The following TRIM54 variants were observed in gnomAD, a reference collection of about 807,000 sequenced individuals.
TRIM54 encodes tripartite motif-containing protein 54.
Under a neutral mutation model 42.0 loss-of-function variants are expected in TRIM54, and 40 were observed. The ratio of observed to expected loss-of-function variants is 0.95; its 90% confidence interval spans 0.74 to 1.24. The LOEUF is 1.24. TRIM54 is among the 50% of genes most tolerant of loss of function. The pLI is 0.00. For missense variants in TRIM54, 485 were observed against 480.3 expected (o/e 1.01, Z -0.09); for synonymous variants, 199 against 194.9 (o/e 1.02, Z -0.17).
At position 27,294,122 on chromosome 2, in the gene TRIM54, TTTTG is replaced by T. The variant is rs1032429746; in HGVS notation, c.169-4441_169-4438del. On this transcript the variant is annotated intron_variant, in intron 1 of 8. Coordinates refer to ENST00000380075, the MANE Select transcript of TRIM54 (RefSeq NM_187841.3). The stretch of plus-strand genomic sequence containing the variant: ...AATATTAGCTCTAAGGGTTTTTTTG[TTTTG>T]TTTTTTGTTTGTTTTGTTTTTGAGA... Among the ~76,000 whole-genome samples the T allele has an allele frequency of 3.9e-5, 6 of 151,976 alleles. 1 individual carries two copies. The highest frequency in any genetic ancestry group is 1.4e-4 in the African/African-American group (6 of 41,502).
At chr2:27,293,848 C>G (rs1318499453) in intron 1 of TRIM54, among the ~76,000 whole-genome samples, 1 of 151,982 alleles carries the variant, frequency 6.6e-6, no homozygotes, top group East Asian at 1.9e-4. Context: ...ATGGGGAAAC[C>G]CCATCTCTAC....
rs1482555183 is a variant in TRIM54, at chr2:27,306,232, G to A, written c.886G>A (p.Val296Met). ...CTGCAGGGTCGGGGCCATGTCGAAG[G>A]TGGAGCTGGCAGGGCGGCCGGAGCC... ...LINKVGAMSK[V>M]ELAGRPEPGY... Residue 296 changes from valine to methionine, a missense_variant, in exon 7 of 9, where the codon GTG becomes ATG. Transcript: ENST00000380075. This position sits in a 1 kb window ranked among gnomAD's most constrained non-coding sequence, Gnocchi z 6.1. 6.2e-7 allele frequency: 1 copy of A among 1,613,994 alleles called. No homozygotes were observed. The highest frequency in any genetic ancestry group is 1.3e-5 in the African/African-American group (1 of 74,934).
In TRIM54 at chr2:27,305,660, G is replaced by A; in HGVS notation, c.686G>A (p.Gly229Asp). The A allele has an allele frequency of 6.2e-7, 1 of 1,613,646 alleles. No individual in the cohort carries two copies. Among genetic ancestry groups the A allele is most frequent in the Non-Finnish European group, 8.5e-7 (1 of 1,179,928 alleles). ...SLCAVLEERKGELLQALAREQ... is the reference protein window; with the variant it reads ...SLCAVLEERKDELLQALAREQ... The stretch of plus-strand genomic sequence containing the variant: ...TGCGCAGTGCTGGAGGAGCGCAAGG[G>A]TGAGCTGCTGCAGGCGCTGGCCCGG... Residue 229 changes from glycine (G) to aspartate (D), a missense_variant, in exon 5 of 9, where the codon GGT becomes GAT. Gly to Asp is a moderately conservative substitution (Grantham distance 94). Coordinates refer to ENST00000380075, the MANE Select transcript of TRIM54 (RefSeq NM_187841.3).
chr2:27,302,193 G>A (rs763187782), intron 3 of TRIM54, among the ~76,000 whole-genome samples: 1 of 152,070 alleles, frequency 6.6e-6, no homozygotes, highest in African/African-American at 2.4e-5. Context: ...GCTCACGCCT[G>A]TAATCCCAGT....
intron 3 of TRIM54, among the ~76,000 whole-genome samples, chr2:27,301,920 G>T (rs544928547): frequency 6.6e-6 from 1 of 151,972 alleles, no homozygotes; most frequent in Non-Finnish European, 1.5e-5. Context: ...TTAAGAGGCC[G>T]AGGCGGGCGG....
At chr2:27,283,770 A>ACGCGCGCGCGCGCGCG (rs1487361341) in intron 1 of TRIM54, among the ~76,000 whole-genome samples, 29 of 100,500 alleles carry the variant, frequency 2.9e-4, no homozygotes, top group African/African-American at 1.1e-3. Flanking sequence ...AAAGGCACAC[A>ACGCGCGCGCGCGCGCG]CACACACACG....
rs145146225 is a variant in TRIM54 at position 27,291,895 on chromosome 2, C to T, written c.169-6672C>T. 7.2e-4 allele frequency among the ~76,000 whole-genome samples: 109 copies of T among 152,242 alleles called. 1 individual carries two copies. In the East Asian group the frequency reaches 0.01, roughly 14 times the overall value. On this transcript the variant is annotated intron_variant, in intron 1 of 8. Transcript: ENST00000380075. Reference sequence around the variant, plus strand: ...GGGGATGAAAGCTACACGCAAAATACGGGACTGTGGTGTCAGCAGCAGGGA... The same window carrying T: ...GGGGATGAAAGCTACACGCAAAATATGGGACTGTGGTGTCAGCAGCAGGGA...
rs766179088 is a variant in TRIM54, at chr2:27,306,139, G to A, written c.866+37G>A. 3.1e-6 allele frequency: 5 copies of A among 1,614,032 alleles called. No homozygotes were observed. In the Admixed American group the frequency reaches 8.3e-5, roughly 27 times the overall value. Reference sequence around the variant, plus strand: ...TAGCGGGAAGGGAAAGGAGGGGGCTGCACTGCTCCACTGGCTGGGGTGGGG... The same window carrying A: ...TAGCGGGAAGGGAAAGGAGGGGGCTACACTGCTCCACTGGCTGGGGTGGGG... On this transcript the variant is annotated intron_variant, in intron 6 of 8. Coordinates refer to ENST00000380075, the MANE Select transcript of TRIM54 (RefSeq NM_187841.3). The surrounding 1 kb of genome is among the most constrained non-coding windows in gnomAD (Gnocchi z 6.1).
chr2:27,282,663 G>A lies in TRIM54; in HGVS notation c.-69G>A, dbSNP rs1246440064. 1.1e-5 allele frequency: 16 copies of A among 1,504,884 alleles called. No individual in the cohort carries two copies. The highest frequency in any genetic ancestry group is 2.4e-5 in the East Asian group (1 of 42,038). The allele number at this position is 1,504,884 out of a possible 1,614,324, so 93.2% of individuals were successfully genotyped here. ...AAGGGAATCCAGAGGCCATCTAAGC[G>A]AGGAAGGGTCTACAGGCAGTGAGTG... is the stretch of plus-strand genomic sequence containing the variant. On this transcript the variant is annotated 5_prime_UTR_variant, in exon 1 of 9. Transcript: ENST00000380075.
intron 3 of TRIM54, among the ~76,000 whole-genome samples, chr2:27,302,701 G>GA: frequency 1.3e-5 from 2 of 152,082 alleles, no homozygotes; most frequent in South Asian, 4.2e-4. Context: ...TGAGGCAGGA[G>GA]AATCACTTGA....
At position 27,305,569 on chromosome 2, in the gene TRIM54, C is replaced by G; in HGVS notation, c.610-15C>G. 1 of 1,607,102 alleles carries G rather than the reference C, an allele frequency of 6.2e-7. No homozygotes were observed. Among genetic ancestry groups the G allele is most frequent in the African/African-American group, 1.3e-5 (1 of 74,914 alleles). ...TCAGCCACGCCTTCCCTCATCCTTG[C>G]TCCCCATCTTTTAGGACAATAGCCG... On this transcript the variant is annotated splice_polypyrimidine_tract_variant and intron_variant, in intron 4 of 8. Coordinates refer to ENST00000380075, the MANE Select transcript of TRIM54 (RefSeq NM_187841.3).
At chr2:27,286,741 G>A (rs987548422) in intron 1 of TRIM54, among the ~76,000 whole-genome samples, 1 of 152,194 alleles carries the variant, frequency 6.6e-6, no homozygotes, top group African/African-American at 2.4e-5. Context: ...TTGCAGAGGG[G>A]GGATTGTCAA....
In TRIM54 at chr2:27,282,880, G is replaced by A; in HGVS notation, c.149G>A (p.Cys50Tyr). ...TGCCAACACAACCTGTGCCGCAAAT[G>A]TGCCAACGACGTCTTCCAGGTGGGT... Reference protein sequence around the residue: ...LPCQHNLCRKCANDVFQASNP... With the variant: ...LPCQHNLCRKYANDVFQASNP... The change falls in exon 1 of 9, where the codon TGT (cysteine) becomes TAT (tyrosine). Residue 50 changes from cysteine (C) to tyrosine (Y), a missense_variant. Coordinates refer to ENST00000380075, the MANE Select transcript of TRIM54 (RefSeq NM_187841.3). The A allele has an allele frequency of 1.9e-6, 3 of 1,613,210 alleles. No homozygotes were observed. Among genetic ancestry groups the A allele is most frequent in the South Asian group, 1.1e-5 (1 of 90,918 alleles).
At position 27,282,644 on chromosome 2, in the gene TRIM54, A is replaced by G. The variant is rs1678413505; in HGVS notation, c.-88A>G. 7.0e-7 allele frequency: 1 copy of G among 1,422,922 alleles called. No homozygotes were observed. The highest frequency in any genetic ancestry group is 1.4e-5 in the African/African-American group (1 of 69,350). 88.1% of individuals were successfully genotyped at this position (1,422,922 alleles called of 1,614,324 possible). On this transcript the variant is annotated 5_prime_UTR_variant, in exon 1 of 9. Transcript: ENST00000380075. ...TTTCAAGAGTGAGCCACAGAAGGGA[A>G]TCCAGAGGCCATCTAAGCGAGGAAG...
intron 1 of TRIM54, among the ~76,000 whole-genome samples, chr2:27,287,132 C>G (rs1324242957): frequency 6.6e-6 from 1 of 152,146 alleles, no homozygotes; most frequent in Non-Finnish European, 1.5e-5. Context: ...GTTAATTTGC[C>G]ACACAATGCA....
chr2:27,282,462 G>A lies in TRIM54; in HGVS notation c.-270G>A, dbSNP rs961019060. 5 of 262,058 alleles carry A rather than the reference G, an allele frequency of 1.9e-5. No individual in the cohort carries two copies. The highest frequency in any genetic ancestry group is 1.1e-4 in the Admixed American group (2 of 18,944). 16.2% of individuals were successfully genotyped at this position (262,058 alleles called of 1,614,324 possible). ...CTACCCACAGAGTGAACAAGAGAGA[G>A]TCATTTGGGAAACAAAAGGAGAATT... On this transcript the variant is annotated 5_prime_UTR_variant, in exon 1 of 9. Transcript: ENST00000380075.
chr2:27,307,317 C>T lies in TRIM54; in HGVS notation c.*432C>T. ...TCGGAGCCCCCCACAGCATTTTGTT[C>T]CCCTCCCGCTGGCCCGGGGGCCCCA... On this transcript the variant is annotated 3_prime_UTR_variant, in exon 9 of 9. Transcript: ENST00000380075. The surrounding 1 kb of genome is among the most constrained non-coding windows in gnomAD (Gnocchi z 6.9). The T allele has an allele frequency of 2.4e-6, 2 of 830,940 alleles. No homozygotes were observed. Among genetic ancestry groups the T allele is most frequent in the Non-Finnish European group, 3.6e-6 (2 of 552,406 alleles). 51.5% of individuals were successfully genotyped at this position (830,940 alleles called of 1,614,324 possible). A position where few individuals can be genotyped will look rare whatever the true frequency, so the allele number is the denominator to read the frequency against.
intron 1 of TRIM54, among the ~76,000 whole-genome samples, chr2:27,283,778 A>ACGCGCGCGCG (rs796470453): frequency 4.0e-4 from 41 of 102,324 alleles, no homozygotes; most frequent in African/African-American, 1.4e-3. Flanking sequence ...ACACACACAC[A>ACGCGCGCGCG]CGCGCGCACA....
rs557770011 is a variant in TRIM54, at chr2:27,299,717, A to G, written c.513+301A>G. 36 of 307,696 alleles carry G rather than the reference A, an allele frequency of 1.2e-4. No individual in the cohort carries two copies. The Middle Eastern group carries it at 3.4e-3, about 29-fold the overall frequency. 19.1% of individuals were successfully genotyped at this position (307,696 alleles called of 1,614,324 possible). A position where few individuals can be genotyped will look rare whatever the true frequency, so the allele number is the denominator to read the frequency against. On this transcript the variant is annotated intron_variant, in intron 3 of 8. Coordinates refer to ENST00000380075, the MANE Select transcript of TRIM54 (RefSeq NM_187841.3). ...CTATCTATCTATCTATCTATCTATC[A>G]TATTTTGAGATGGAGTCTCGCTCTG...
Sources: allele counts gnomAD v4.1 joint callset (sites outside exome capture counted in the v4.1 genomes callset), GRCh38; gene constraint gnomAD v4.1.1; non-coding constraint Gnocchi (gnomAD v3.1); transcripts MANE v1.5; gene names NCBI Gene and HGNC (gene_info 2026-07-23, HGNC 2026-07-21).